Variants in TRPM3 observed in about 807,000 individuals in gnomAD.
TRPM3 encodes the protein transient receptor potential cation channel subfamily M member 3, also known as long transient receptor potential channel 3.
A neutral mutation model predicts 181.2 loss-of-function variants in TRPM3; 77 were observed. That is an observed-to-expected ratio of 0.42 (90% CI 0.35 to 0.51). TRPM3 has a LOEUF of 0.51. Among genes scored for constraint, TRPM3 ranks in the 20% least tolerant of loss-of-function variants. The pLI is 0.01. For missense variants in TRPM3, 1,759 were observed against 2,196.7 expected, an observed-to-expected ratio of 0.80 and a Z score of 3.98; for synonymous variants, 745 against 796.4, an observed-to-expected ratio of 0.94 and a Z score of 1.09.
At chr9:71,235,545 G>A (rs1302092735) in intron 1 of TRPM3, among the ~76,000 whole-genome samples, 2 of 152,136 alleles carry the variant, frequency 1.3e-5, no homozygotes, top group Admixed American at 6.5e-5. Context: ...CTGACAGATG[G>A]AACAGATAAC....
At chr9:71,039,756 T>C (rs1300184446) in intron 1 of TRPM3, among the ~76,000 whole-genome samples, 1 of 152,206 alleles carries the variant, frequency 6.6e-6, no homozygotes, top group Non-Finnish European at 1.5e-5. Flanking sequence ...CTTCTGTAAA[T>C]GGAGGTAATA....
intron 12 of TRPM3, among the ~76,000 whole-genome samples, chr9:70,633,403 G>A (rs1425028432): frequency 3.9e-5 from 6 of 152,168 alleles, no homozygotes; most frequent in Admixed American, 2.6e-4. Context: ...GATCTACTAC[G>A]ATGGCATGGA....
chr9:70,867,509 T>C (rs1047588261), intron 1 of TRPM3, among the ~76,000 whole-genome samples: 2 of 152,108 alleles, frequency 1.3e-5, no homozygotes, highest in African/African-American at 4.8e-5. Flanking sequence ...CGCTACATCA[T>C]TGTTAGCAAA....
chr9:71,174,383 A>C (rs890775858), intron 1 of TRPM3, among the ~76,000 whole-genome samples: 5 of 152,126 alleles, frequency 3.3e-5, no homozygotes, highest in African/African-American at 1.2e-4. Context: ...CTCTACTAAA[A>C]ATACAAAAAT....
chr9:70,851,986 G>T (rs1288201876), intron 3 of TRPM3, among the ~76,000 whole-genome samples: 3 of 151,620 alleles, frequency 2.0e-5, no homozygotes, highest in Non-Finnish European at 4.4e-5. Flanking sequence ...GGGTGCAGTG[G>T]CGCGCACCTG....
At chr9:71,317,121 T>C (rs1193498744) in intron 1 of TRPM3, among the ~76,000 whole-genome samples, 1 of 152,166 alleles carries the variant, frequency 6.6e-6, no homozygotes, top group Non-Finnish European at 1.5e-5. Flanking sequence ...ATGTACTTCT[T>C]ACCTGTCTTG....
At chr9:70,836,775 A>G (rs972318587) in intron 5 of TRPM3, among the ~76,000 whole-genome samples, 1 of 152,074 alleles carries the variant, frequency 6.6e-6, no homozygotes, top group Non-Finnish European at 1.5e-5. Flanking sequence ...CATCCACCAT[A>G]ATGACTTTAA....
At chr9:70,629,239 T>C in intron 12 of TRPM3, among the ~76,000 whole-genome samples, 2 of 87,516 alleles carry the variant, frequency 2.3e-5, no homozygotes, top group African/African-American at 3.7e-5. Context: ...GCCTGCGTTC[T>C]GTTTGACCAC....
At chr9:71,216,337 T>C (rs2079866178) in intron 1 of TRPM3, among the ~76,000 whole-genome samples, 1 of 152,238 alleles carries the variant, frequency 6.6e-6, no homozygotes, top group Admixed American at 6.5e-5. Flanking sequence ...TTTACACTTA[T>C]TTCTCTCTCA....
intron 1 of TRPM3, among the ~76,000 whole-genome samples, chr9:71,206,577 C>T (rs12554491): frequency 0.43 from 65,275 of 151,980 alleles, 14,405 homozygotes; most frequent in East Asian, 0.52. Flanking sequence ...TGTGCAGAAG[C>T]TCTTTAGTTT....
At chr9:71,250,965 T>C (rs1352260105) in intron 1 of TRPM3, among the ~76,000 whole-genome samples, 1 of 152,130 alleles carries the variant, frequency 6.6e-6, no homozygotes, top group African/African-American at 2.4e-5. Context: ...ACTGAAAACA[T>C]AGTCACAGGA....
At chr9:71,368,458 T>G (rs1231171127) in intron 1 of TRPM3, among the ~76,000 whole-genome samples, 2 of 152,158 alleles carry the variant, frequency 1.3e-5, no homozygotes, top group African/African-American at 2.4e-5. Context: ...AAACTTTTTG[T>G]GTACCAAGGG....
At chr9:71,164,596 C>A (rs1365939497) in intron 1 of TRPM3, among the ~76,000 whole-genome samples, 1 of 151,884 alleles carries the variant, frequency 6.6e-6, no homozygotes, top group Admixed American at 6.6e-5. Context: ...TGAAAAGTAT[C>A]TATATAAAGA....
chr9:71,083,227 A>G (rs1038734004), intron 1 of TRPM3, among the ~76,000 whole-genome samples: 2 of 152,104 alleles, frequency 1.3e-5, no homozygotes, highest in African/African-American at 2.4e-5. Flanking sequence ...TCTCATAATG[A>G]TAACTACCAT....
intron 8 of TRPM3, among the ~76,000 whole-genome samples, chr9:70,686,167 T>TA (rs1424489127): frequency 6.6e-6 from 1 of 151,870 alleles, no homozygotes; most frequent in Admixed American, 6.6e-5. Flanking sequence ...CATACGTATG[T>TA]AAAACCACAT....
At chr9:70,601,883 CG>C (rs757792180) in intron 20 of TRPM3, among the ~76,000 whole-genome samples, 2 of 152,170 alleles carry the variant, frequency 1.3e-5, no homozygotes, top group Non-Finnish European at 2.9e-5. Context: ...AAGGAATATG[CG>C]TCTAGGCGTT....
At position 70,781,326 on chromosome 9, in the gene TRPM3, T is replaced by TAAAAAAAAAAAAAAA. The variant is rs35173071; in HGVS notation, c.1148+2764_1148+2778dup. The stretch of plus-strand genomic sequence containing the variant: ...GGGGACAGCATGAGATTCCATTTCA[T>TAAAAAAAAAAAAAAA]AAAAAAAAAAAAAAAAAAAAAAAGA... On this transcript the variant is annotated intron_variant, in intron 7 of 25. Coordinates refer to ENST00000677713, the MANE Select transcript of TRPM3 (RefSeq NM_001366145.2). 1.1e-3 allele frequency among the ~76,000 whole-genome samples: 114 copies of TAAAAAAAAAAAAAAA among 106,074 alleles called. 2 individuals are homozygous for TAAAAAAAAAAAAAAA. Among genetic ancestry groups the TAAAAAAAAAAAAAAA allele is most frequent in the East Asian group, 4.0e-3 (15 of 3,738 alleles). 69.6% of individuals were successfully genotyped at this position (106,074 alleles called of 152,430 possible). A position where few individuals can be genotyped will look rare whatever the true frequency, so the allele number is the denominator to read the frequency against.
At chr9:71,359,054 A>G (rs2092027129) in intron 1 of TRPM3, among the ~76,000 whole-genome samples, 1 of 152,214 alleles carries the variant, frequency 6.6e-6, no homozygotes, top group African/African-American at 2.4e-5. Context: ...GTTTTCTGAA[A>G]TGAAAGCCAA....
chr9:70,647,531 G>C (rs2059049678), intron 9 of TRPM3, among the ~76,000 whole-genome samples: 1 of 152,136 alleles, frequency 6.6e-6, no homozygotes, highest in Non-Finnish European at 1.5e-5. Flanking sequence ...AGGCATTGAA[G>C]GAACATACCT....
Sources: allele counts gnomAD v4.1 joint callset (sites outside exome capture counted in the v4.1 genomes callset), GRCh38; gene constraint gnomAD v4.1.1; transcripts MANE v1.5; gene names NCBI Gene and HGNC (gene_info 2026-07-23, HGNC 2026-07-21).